The following TMTC2 variants were observed in gnomAD, a reference collection of about 807,000 sequenced individuals.
TMTC2 encodes transmembrane O-mannosyltransferase targeting cadherins 2, also known as protein O-mannosyl-transferase TMTC2.
A neutral mutation model predicts 82.4 loss-of-function variants in TMTC2; 43 were observed. The ratio of observed to expected loss-of-function variants is 0.52; its 90% CI spans 0.41 to 0.67. The LOEUF (loss-of-function observed/expected upper bound fraction) is 0.67, where lower values mean the gene tolerates loss of function less well. Among genes scored for constraint, TMTC2 ranks in the 30% least tolerant of loss-of-function variants. The pLI is 0.00. For missense variants in TMTC2, 919 were observed against 1,012.4 expected, an observed-to-expected ratio of 0.91 and a Z score of 1.25; for synonymous variants, 408 against 381.9, an observed-to-expected ratio of 1.07 and a Z score of -0.80.
intron 11 of TMTC2, among the ~76,000 whole-genome samples, chr12:83,119,551 T>C (rs918142259): frequency 2.6e-5 from 4 of 152,198 alleles, no homozygotes; most frequent in African/African-American, 9.6e-5. Context: ...TCAGGCTCGT[T>C]TTGTGGGCTA....
intron 11 of TMTC2, among the ~76,000 whole-genome samples, chr12:83,097,104 A>T (rs977949639): frequency 6.6e-6 from 1 of 152,208 alleles, no homozygotes; most frequent in Non-Finnish European, 1.5e-5. Flanking sequence ...TTGAGTGATT[A>T]TGTGAAGCTA....
At chr12:82,824,042 C>T (rs1173890189) in intron 1 of TMTC2, among the ~76,000 whole-genome samples, 3 of 152,040 alleles carry the variant, frequency 2.0e-5, no homozygotes, top group Non-Finnish European at 2.9e-5. Flanking sequence ...TGCAGGCGTC[C>T]ACCACCAGGC....
At chr12:82,994,806 A>G (rs1166548834) in intron 8 of TMTC2, among the ~76,000 whole-genome samples, 1 of 152,180 alleles carries the variant, frequency 6.6e-6, no homozygotes. Context: ...TCAGTCTACC[A>G]TACTAGTGAC....
chr12:82,764,592 C>T (rs1876840191), intron 1 of TMTC2, among the ~76,000 whole-genome samples: 1 of 152,176 alleles, frequency 6.6e-6, no homozygotes, highest in African/African-American at 2.4e-5. Context: ...TAAAAGACCA[C>T]ATTTTGCCCT....
chr12:82,798,438 A>G (rs1286397665), intron 1 of TMTC2, among the ~76,000 whole-genome samples: 1 of 143,418 alleles, frequency 7.0e-6, no homozygotes, highest in Non-Finnish European at 1.5e-5. Context: ...CGGAGCTTGC[A>G]GTTAGCAGAG....
intron 8 of TMTC2, among the ~76,000 whole-genome samples, chr12:83,011,701 G>A (rs1401490084): frequency 5.9e-5 from 9 of 152,068 alleles, no homozygotes; most frequent in Non-Finnish European, 1.5e-5. Flanking sequence ...TCTCCACTTA[G>A]CAAAGTCCTA....
At chr12:83,100,002 C>A (rs1884161819) in intron 11 of TMTC2, among the ~76,000 whole-genome samples, 1 of 152,016 alleles carries the variant, frequency 6.6e-6, no homozygotes, top group Non-Finnish European at 1.5e-5. Flanking sequence ...TCACTGCAAC[C>A]TCCACCTCCC....
chr12:82,925,955 CTT>C (rs2137235782), intron 3 of TMTC2, among the ~76,000 whole-genome samples: 2 of 150,958 alleles, frequency 1.3e-5, no homozygotes, highest in African/African-American at 4.9e-5. Flanking sequence ...GTGGAACAGA[CTT>C]ATTGCTGATA....
chr12:83,068,701 G>C (rs1040695418), intron 11 of TMTC2, among the ~76,000 whole-genome samples: 3 of 152,010 alleles, frequency 2.0e-5, no homozygotes, highest in African/African-American at 7.2e-5. Flanking sequence ...CATATATTTT[G>C]TTTATTTTTT....
At chr12:82,710,395 G>T (rs546863441) in intron 1 of TMTC2, among the ~76,000 whole-genome samples, 12 of 152,122 alleles carry the variant, frequency 7.9e-5, no homozygotes, top group Non-Finnish European at 1.6e-4. Flanking sequence ...CTCCATTTTA[G>T]TTGTTTCTCT....
At position 83,110,206 on chromosome 12, in the gene TMTC2, C is replaced by A. The variant is rs576932408; in HGVS notation, c.2332-22004C>A. Among the ~76,000 whole-genome samples the A allele has an allele frequency of 2.0e-5, 3 of 152,268 alleles. No individual in the cohort carries two copies. The East Asian group carries it at 5.8e-4, about 29-fold the overall frequency. ...TATTCTAGATAAATTATTCGTGCTT[C>A]CAATTCAAACCAACCTCTTCATTTC... On this transcript the variant is annotated intron_variant, in intron 11 of 11. Transcript: ENST00000321196.
chr12:82,802,988 A>G (rs1879082572), intron 1 of TMTC2, among the ~76,000 whole-genome samples: 1 of 152,166 alleles, frequency 6.6e-6, no homozygotes, highest in South Asian at 2.1e-4. Flanking sequence ...GAATGACAAG[A>G]TGTGTGACAT....
intron 11 of TMTC2, among the ~76,000 whole-genome samples, chr12:83,115,299 C>G (rs901468363): frequency 6.6e-6 from 1 of 151,950 alleles, no homozygotes; most frequent in African/African-American, 2.4e-5. Context: ...TAGAAACAGA[C>G]AAGGAATTTG....
intron 3 of TMTC2, among the ~76,000 whole-genome samples, chr12:82,928,633 T>G (rs1264566400): frequency 6.6e-6 from 1 of 152,178 alleles, no homozygotes; most frequent in Non-Finnish European, 1.5e-5. Flanking sequence ...GGAGAAAAAG[T>G]TTGGAAACAG....
At chr12:82,720,977 T>G (rs1874181289) in intron 1 of TMTC2, among the ~76,000 whole-genome samples, 1 of 152,224 alleles carries the variant, frequency 6.6e-6, no homozygotes, top group Non-Finnish European at 1.5e-5. Flanking sequence ...TCACCTCTGC[T>G]GTGTTTTAGC....
chr12:82,984,285 T>C (rs1382343365), intron 7 of TMTC2, among the ~76,000 whole-genome samples: 1 of 152,134 alleles, frequency 6.6e-6, no homozygotes, highest in African/African-American at 2.4e-5. Flanking sequence ...TTCATCGAAC[T>C]AGAAACACAT....
chr12:83,074,432 C>T (rs1041130061), intron 11 of TMTC2, among the ~76,000 whole-genome samples: 4 of 152,050 alleles, frequency 2.6e-5, no homozygotes, highest in African/African-American at 4.8e-5. Context: ...TCTTTTTGTG[C>T]TGGTTGGTCT....
intron 8 of TMTC2, among the ~76,000 whole-genome samples, chr12:82,989,811 A>G (rs1041132296): frequency 6.6e-6 from 1 of 151,858 alleles, no homozygotes; most frequent in African/African-American, 2.4e-5. Context: ...AAGGAAAGGA[A>G]AGACTCCTAT....
At chr12:82,920,403 A>G (rs1875317828) in intron 3 of TMTC2, among the ~76,000 whole-genome samples, 2 of 152,176 alleles carry the variant, frequency 1.3e-5, no homozygotes, top group South Asian at 2.1e-4. Context: ...GGGACCTCAC[A>G]TTTGATTTTC....
Sources: allele counts gnomAD v4.1 joint callset (sites outside exome capture counted in the v4.1 genomes callset), GRCh38; gene constraint gnomAD v4.1.1; transcripts MANE v1.5; gene names NCBI Gene and HGNC (gene_info 2026-07-23, HGNC 2026-07-21).